Variants in MACO1 observed in about 807,000 individuals in gnomAD.
The protein encoded by MACO1 is macoilin 1, also known as macoilin.
Under a neutral mutation model 78.7 loss-of-function variants are expected in MACO1, and 14 were observed. The observed-to-expected ratio is 0.18, with a 90% CI of 0.12 to 0.28. The LOEUF is 0.28. Ranked by LOEUF, MACO1 falls within the 10% of genes least tolerant of loss-of-function variation. The pLI is 1.00. For synonymous variants in MACO1, 288 were observed against 291.6 expected, an observed-to-expected ratio of 0.99 and a Z score of 0.12; for missense variants, 501 against 799.0, an observed-to-expected ratio of 0.63 and a Z score of 4.50.
chr1:25,480,929 AATATATATAT>A lies in MACO1; in HGVS notation c.1155-3150_1155-3141del, dbSNP rs202050214. 7.4e-3 allele frequency among the ~76,000 whole-genome samples: 349 copies of A among 47,426 alleles called. 1 individual carries two copies. The highest frequency in any genetic ancestry group is 9.5e-3 in the South Asian group (10 of 1,056). 31.1% of individuals were successfully genotyped at this position (47,426 alleles called of 152,430 possible). A position where few individuals can be genotyped will look rare whatever the true frequency, so the allele number is the denominator to read the frequency against. Reference sequence around the variant, plus strand: ...AGACTTGGTTAAAAAAAAAAAAAAAAATATATATATATATATATATATATATATATATATA... The same window carrying A: ...AGACTTGGTTAAAAAAAAAAAAAAAAATATATATATATATATATATATATA... On this transcript the variant is annotated intron_variant, in intron 6 of 10. Transcript: ENST00000374343.
At position 25,499,208 on chromosome 1, in the gene MACO1, C is replaced by G. The variant is rs1179168140; in HGVS notation, c.*742C>G. ...AACTTGATAATTTTAAACTCTTTTC[C>G]CCCTTTACCGTCATCTATCCTCTAT... On this transcript the variant is annotated 3_prime_UTR_variant, in exon 11 of 11. Coordinates refer to ENST00000374343, the MANE Select transcript of MACO1 (RefSeq NM_018202.6). 1 of 152,162 alleles carries G rather than the reference C, an allele frequency of 6.6e-6. No homozygotes were observed. Among genetic ancestry groups the G allele is most frequent in the Non-Finnish European group, 1.5e-5 (1 of 68,032 alleles). The allele number at this position is 152,162 out of a possible 1,614,324, so 9.4% of individuals were successfully genotyped here.
At chr1:25,443,357 A>G (rs1455209480) in intron 1 of MACO1, among the ~76,000 whole-genome samples, 1 of 152,202 alleles carries the variant, frequency 6.6e-6, no homozygotes, top group Non-Finnish European at 1.5e-5. Context: ...TCTTAGAGAA[A>G]GGTTTGTTAA....
chr1:25,489,674 G>A (rs1438256572), intron 9 of MACO1, among the ~76,000 whole-genome samples: 1 of 152,180 alleles, frequency 6.6e-6, no homozygotes, highest in Non-Finnish European at 1.5e-5. Context: ...GCATGGCTCT[G>A]AGCCTTGCAG....
At chr1:25,456,509 G>C (rs2043122780) in intron 4 of MACO1, 144 bp from the exon 5 acceptor site, 12 of 792,470 alleles carry the variant, frequency 1.5e-5, no homozygotes, top group Non-Finnish European at 2.3e-5. Flanking sequence ...ACATTTATTT[G>C]TGTGTCTAGT....
At chr1:25,482,835 A>G (rs1264250791) in intron 6 of MACO1, among the ~76,000 whole-genome samples, 1 of 152,210 alleles carries the variant, frequency 6.6e-6, no homozygotes, top group African/African-American at 2.4e-5. Flanking sequence ...AGTTGTACAG[A>G]TTATAGGATT....
chr1:25,447,729 T>C (rs2043028589), intron 2 of MACO1, among the ~76,000 whole-genome samples: 2 of 152,232 alleles, frequency 1.3e-5, no homozygotes, highest in Admixed American at 6.5e-5. Flanking sequence ...GTTATGAAAA[T>C]AGTTTTAACC....
At position 25,499,923 on chromosome 1, in the gene MACO1, T is replaced by C. The variant is rs889612397; in HGVS notation, c.*1457T>C. 1 of 152,186 alleles carries C rather than the reference T, an allele frequency of 6.6e-6. No individual in the cohort carries two copies. Among genetic ancestry groups the C allele is most frequent in the African/African-American group, 2.4e-5 (1 of 41,440 alleles). 9.4% of individuals were successfully genotyped at this position (152,186 alleles called of 1,614,324 possible). A position where few individuals can be genotyped will look rare whatever the true frequency, so the allele number is the denominator to read the frequency against. The stretch of plus-strand genomic sequence containing the variant: ...ATCATCCTTTAAATCACAGATCTTA[T>C]TTTGAGATTAAAAAAAATACTTCTA... On this transcript the variant is annotated 3_prime_UTR_variant, in exon 11 of 11. Transcript: ENST00000374343.
At chr1:25,471,137 G>A (rs1044066543) in intron 6 of MACO1, among the ~76,000 whole-genome samples, 9 of 152,216 alleles carry the variant, frequency 5.9e-5, no homozygotes, top group Admixed American at 1.3e-4. Flanking sequence ...CCAGGAGTTC[G>A]AGACCAGCCT....
intron 1 of MACO1, among the ~76,000 whole-genome samples, chr1:25,437,514 T>C (rs549875046): frequency 6.6e-6 from 1 of 152,118 alleles, no homozygotes; most frequent in Non-Finnish European, 1.5e-5. Flanking sequence ...TTGCCTATCT[T>C]GTAGCAAGAA....
At chr1:25,480,929 A>AAAATATATATATATATATATATAT (rs1553166539) in intron 6 of MACO1, among the ~76,000 whole-genome samples, 1 of 47,938 alleles carries the variant, frequency 2.1e-5, no homozygotes, top group Non-Finnish European at 3.4e-5. Context: ...AAAAAAAAAA[A>AAAATATATATATATATATATATAT]ATATATATAT....
chr1:25,465,573 T>C (rs917585500), intron 6 of MACO1, among the ~76,000 whole-genome samples: 56 of 152,234 alleles, frequency 3.7e-4, no homozygotes, highest in Admixed American at 3.3e-3. Context: ...ATATGCTTGT[T>C]TACCATCTGT....
intron 10 of MACO1, 83 bp downstream of exon 10, chr1:25,491,667 C>T (rs1047297422): frequency 2.3e-5 from 28 of 1,203,284 alleles, no homozygotes; most frequent in Non-Finnish European, 3.3e-5. Context: ...TGAGAGCTCT[C>T]AACCAAGGGG....
chr1:25,487,537 C>T (rs1347351162), intron 8 of MACO1, among the ~76,000 whole-genome samples: 1 of 152,186 alleles, frequency 6.6e-6, no homozygotes, highest in Non-Finnish European at 1.5e-5. Context: ...CTACTTTCTT[C>T]ATTGGGCTGT....
At chr1:25,457,730 T>C (rs1159789261) in intron 5 of MACO1, among the ~76,000 whole-genome samples, 2 of 152,154 alleles carry the variant, frequency 1.3e-5, no homozygotes, top group African/African-American at 4.8e-5. Context: ...TTTGAGGTCA[T>C]GTTTTTATTT....
intron 6 of MACO1, among the ~76,000 whole-genome samples, chr1:25,469,099 T>G (rs2043244767): frequency 6.6e-6 from 1 of 151,514 alleles, no homozygotes. Flanking sequence ...TGCCTTGGCC[T>G]CCCAAAGTGC....
At chr1:25,491,337 T>C in intron 9 of MACO1, 73 bp from the exon 10 acceptor site, 12 of 1,585,212 alleles carry the variant, frequency 7.6e-6, no homozygotes, top group Non-Finnish European at 1.0e-5. Context: ...ATTTAATTTG[T>C]GATTTCAGGC....
chr1:25,465,689 T>C (rs1376017841), intron 6 of MACO1, among the ~76,000 whole-genome samples: 1 of 152,246 alleles, frequency 6.6e-6, no homozygotes, highest in East Asian at 1.9e-4. Flanking sequence ...AGATTGTGTA[T>C]TGGTCAAGTC....
In MACO1 at chr1:25,489,904, A is replaced by G. The variant is rs1159860856; in HGVS notation, c.1617+611A>G. 4.6e-5 allele frequency among the ~76,000 whole-genome samples: 7 copies of G among 152,324 alleles called. 1 individual carries two copies. The South Asian group carries it at 1.0e-3, about 23-fold the overall frequency. ...AGTACAGTACCGAAAAAAATACGAA[A>G]AAAAGTAAAGGTGGCATCAGAGATA... On this transcript the variant is annotated intron_variant, in intron 9 of 10. Transcript: ENST00000374343.
intron 4 of MACO1, among the ~76,000 whole-genome samples, chr1:25,454,704 A>G (rs1223454287): frequency 6.6e-6 from 1 of 150,452 alleles, no homozygotes; most frequent in African/African-American, 2.4e-5. Context: ...CTGGTCTCGA[A>G]CTCCTGACCT....
Sources: allele counts gnomAD v4.1 joint callset (sites outside exome capture counted in the v4.1 genomes callset), GRCh38; gene constraint gnomAD v4.1.1; transcripts MANE v1.5; gene names NCBI Gene and HGNC (gene_info 2026-07-23, HGNC 2026-07-21).